MEGF10: variants seen among roughly 807,000 people sequenced by gnomAD.
The protein encoded by MEGF10 is multiple EGF like domains 10.
Under a neutral mutation model 147.5 loss-of-function variants are expected in MEGF10, and 86 were observed. The ratio of observed to expected loss-of-function variants is 0.58; its 90% CI spans 0.49 to 0.70. MEGF10 has a LOEUF of 0.70. MEGF10 is among the 30% of genes least tolerant of loss of function. The probability of loss-of-function intolerance (pLI) is 0.00; values close to 1 mark genes in which losing one functional copy is unlikely to be tolerated. For missense variants in MEGF10, 1,329 were observed against 1,487.3 expected, an observed-to-expected ratio of 0.89 and a Z score of 1.75; for synonymous variants, 478 against 525.5, an observed-to-expected ratio of 0.91 and a Z score of 1.24.
intron 1 of MEGF10, among the ~76,000 whole-genome samples, chr5:127,318,723 G>A (rs1259729579): frequency 6.6e-6 from 1 of 152,172 alleles, no homozygotes; most frequent in Non-Finnish European, 1.5e-5. Context: ...GTAATTGGCT[G>A]AGAATGAGGG....
chr5:127,310,255 A>T (rs1760230732), intron 1 of MEGF10, among the ~76,000 whole-genome samples: 1 of 151,292 alleles, frequency 6.6e-6, no homozygotes, highest in South Asian at 2.1e-4. Flanking sequence ...CCCATATTTT[A>T]ATTAGGTTGT....
At chr5:127,395,743 A>G (rs1763886427) in intron 5 of MEGF10, among the ~76,000 whole-genome samples, 1 of 151,672 alleles carries the variant, frequency 6.6e-6, no homozygotes, top group Non-Finnish European at 1.5e-5. Context: ...ATGGGGTTTC[A>G]CCGTGTTAGC....
chr5:127,441,148 C>T (rs1765743782), intron 18 of MEGF10, among the ~76,000 whole-genome samples: 1 of 152,184 alleles, frequency 6.6e-6, no homozygotes, highest in African/African-American at 2.4e-5. Flanking sequence ...TCCTCTCCTT[C>T]TTATTTTTGG....
chr5:127,391,669 T>G (rs1763704223), intron 5 of MEGF10, among the ~76,000 whole-genome samples: 1 of 152,062 alleles, frequency 6.6e-6, no homozygotes, highest in Non-Finnish European at 1.5e-5. Flanking sequence ...TTATTATTAT[T>G]ATGACTCAGG....
intron 5 of MEGF10, 51 bp downstream of exon 5, chr5:127,370,053 C>G (rs747591984): frequency 1.4e-6 from 2 of 1,406,376 alleles, no homozygotes; most frequent in Non-Finnish European, 2.0e-6. Context: ...GCTGTAAGGC[C>G]CTCCTTGTCT....
rs769311308 is a variant in MEGF10 at position 127,402,634 on chromosome 5, A to G, written c.869A>G (p.Asp290Gly). Residue 290 changes from aspartate (D) to glycine (G), a missense_variant, in exon 8 of 25, where the codon GAT becomes GGT. Asp to Gly is a moderately conservative substitution (Grantham distance 94). Coordinates refer to ENST00000503335, the MANE Select transcript of MEGF10 (RefSeq NM_001256545.2). ...ECQCHNGGTC[D>G]AATGQCHCSP... Reference sequence around the variant, plus strand: ...CAGTGCCATAATGGAGGGACGTGTGATGCTGCCACAGGCCAATGTCATTGC... The same window carrying G: ...CAGTGCCATAATGGAGGGACGTGTGGTGCTGCCACAGGCCAATGTCATTGC... 6.2e-7 allele frequency: 1 copy of G among 1,614,154 alleles called. No homozygotes were observed. The highest frequency in any genetic ancestry group is 8.5e-7 in the Non-Finnish European group (1 of 1,180,024).
At chr5:127,372,925 C>G (rs1762896796) in intron 5 of MEGF10, among the ~76,000 whole-genome samples, 1 of 152,142 alleles carries the variant, frequency 6.6e-6, no homozygotes, top group Admixed American at 6.5e-5. Context: ...ATCGAGCCTT[C>G]AGGGATGAAG....
At chr5:127,315,053 CA>C (rs1180361666) in intron 1 of MEGF10, among the ~76,000 whole-genome samples, 1 of 151,954 alleles carries the variant, frequency 6.6e-6, no homozygotes, top group Admixed American at 6.6e-5. Context: ...ATAATAAAGG[CA>C]ACAGGGAAAT....
the MEGF10 span, among the ~76,000 whole-genome samples, chr5:127,275,384 G>A: frequency 6.6e-6 from 1 of 152,148 alleles, no homozygotes; most frequent in Non-Finnish European, 1.5e-5. Context: ...CAGAAAGTTA[G>A]AGTCTCTATC....
chr5:127,374,653 A>G (rs1425523879), intron 5 of MEGF10, among the ~76,000 whole-genome samples: 1 of 152,208 alleles, frequency 6.6e-6, no homozygotes, highest in African/African-American at 2.4e-5. Flanking sequence ...TTTTTTTCAA[A>G]TTAAGTCACA....
intron 6 of MEGF10, among the ~76,000 whole-genome samples, chr5:127,398,357 G>A (rs896101117): frequency 3.9e-5 from 6 of 152,088 alleles, no homozygotes; most frequent in East Asian, 1.9e-4. Flanking sequence ...GAGCACAAGC[G>A]CTTTATAAGT....
At chr5:127,426,070 G>A (rs1236822293) in intron 13 of MEGF10, among the ~76,000 whole-genome samples, 1 of 152,186 alleles carries the variant, frequency 6.6e-6, no homozygotes, top group East Asian at 1.9e-4. Context: ...TGGATTTGGA[G>A]CCAGAGATAA....
rs1765456920 is a variant in MEGF10 at position 127,433,502 on chromosome 5, T to G, written c.1833T>G (p.Cys611Trp). ...CACCAGGCTTCCGAGGCACCACTTG[T>G]CAGAGGAGTAAGTGTCTCATTAGGC... ...ECAPGFRGTT[C>W]QRICSPGFYG... Residue 611 changes from cysteine (C) to tryptophan (W), a missense_variant, in exon 14 of 25, where the codon TGT (cysteine) becomes TGG (tryptophan). Physicochemically the swap from Cys to Trp is radical, Grantham distance 215. Transcript: ENST00000503335. 1.9e-6 allele frequency: 3 copies of G among 1,605,140 alleles called. No individual in the cohort carries two copies. The highest frequency in any genetic ancestry group is 2.6e-6 in the Non-Finnish European group (3 of 1,175,534).
At chr5:127,362,372 A>G (rs1486763638) in intron 4 of MEGF10, among the ~76,000 whole-genome samples, 2 of 132,856 alleles carry the variant, frequency 1.5e-5, no homozygotes, top group African/African-American at 5.5e-5. Flanking sequence ...AAAAAAAATT[A>G]TTATTTTTTT....
the MEGF10 span, among the ~76,000 whole-genome samples, chr5:127,267,487 A>C: frequency 6.6e-6 from 1 of 152,200 alleles, no homozygotes; most frequent in African/African-American, 2.4e-5. Flanking sequence ...GAATAGTTTC[A>C]GAAGGAATGG....
Position 127,455,298 on chromosome 5 carries a change from G to A in MEGF10, c.3026-103G>A, listed in dbSNP as rs2127045254. The A allele has an allele frequency of 1.7e-5, 16 of 961,766 alleles. No homozygotes were observed. The South Asian group carries it at 2.3e-4, about 14-fold the overall frequency. The allele number at this position is 961,766 out of a possible 1,614,324, so 59.6% of individuals were successfully genotyped here. A position where few individuals can be genotyped will look rare whatever the true frequency, so the allele number is the denominator to read the frequency against. Reference sequence around the variant, plus strand: ...GGTACAGTATTATTTTCAGTGTGTAGAATTATGGAAACCTAGCTATAAAGA... The same window carrying A: ...GGTACAGTATTATTTTCAGTGTGTAAAATTATGGAAACCTAGCTATAAAGA... On this transcript the variant is annotated intron_variant, in intron 23 of 24. Coordinates refer to ENST00000503335, the MANE Select transcript of MEGF10 (RefSeq NM_001256545.2).
At chr5:127,290,295 C>T (rs1011259413), upstream of MEGF10, among the ~76,000 whole-genome samples, 6 of 152,132 alleles carry the variant, frequency 3.9e-5, no homozygotes, top group Middle Eastern at 3.2e-3. Context: ...CATTCTCTGG[C>T]ACGGCTTAAT....
intron 13 of MEGF10, among the ~76,000 whole-genome samples, chr5:127,429,084 T>C (rs1000442003): frequency 2.6e-5 from 4 of 152,200 alleles, no homozygotes; most frequent in African/African-American, 9.6e-5. Flanking sequence ...AATGCTCCCA[T>C]TGAACCAGAG....
intron 1 of MEGF10, among the ~76,000 whole-genome samples, chr5:127,297,571 A>G (rs1277188802): frequency 6.6e-6 from 1 of 152,142 alleles, no homozygotes; most frequent in Non-Finnish European, 1.5e-5. Context: ...ATTTGAATGG[A>G]TGGGGCATCT....
Sources: allele counts gnomAD v4.1 joint callset (sites outside exome capture counted in the v4.1 genomes callset), GRCh38; gene constraint gnomAD v4.1.1; transcripts MANE v1.5; gene names NCBI Gene and HGNC (gene_info 2026-07-23, HGNC 2026-07-21).